Variants in SLC4A5 observed in about 807,000 individuals in gnomAD.
The protein encoded by SLC4A5 is electrogenic sodium bicarbonate cotransporter 4.
Under a neutral mutation model 120.4 loss-of-function variants are expected in SLC4A5, and 96 were observed. That is an observed-to-expected ratio of 0.80 (90% confidence interval 0.68 to 0.94). The LOEUF (loss-of-function observed/expected upper bound fraction) is 0.94, where lower values mean the gene tolerates loss of function less well. Among genes scored for constraint, SLC4A5 ranks in the 40% least tolerant of loss-of-function variants. The pLI, the probability that SLC4A5 is intolerant of heterozygous loss-of-function variation, is 0.00. For synonymous variants in SLC4A5, 550 were observed against 571.1 expected (o/e 0.96, Z 0.53); for missense variants, 1,259 against 1,459.5 (o/e 0.86, Z 2.24).
intron 7 of SLC4A5, chr2:74,290,639 G>A: frequency 6.1e-6 from 6 of 982,150 alleles, no homozygotes; most frequent in Non-Finnish European, 7.3e-6. Context: ...GAGAGAGAGA[G>A]AGAGAGAGAG....
intron 20 of SLC4A5, 116 bp downstream of exon 20, chr2:74,241,878 G>A: frequency 1.2e-6 from 1 of 826,010 alleles, no homozygotes; most frequent in South Asian, 1.4e-5. Flanking sequence ...ACGTGCAGCT[G>A]GAGTTGACCT....
chr2:74,277,231 T>TG (rs1386864512), intron 8 of SLC4A5, among the ~76,000 whole-genome samples: 3 of 151,966 alleles, frequency 2.0e-5, no homozygotes, highest in South Asian at 2.1e-4. Context: ...AGATGCTGGG[T>TG]GGGGGGCTCT....
chr2:74,291,637 T>C (rs1300180395), intron 7 of SLC4A5, among the ~76,000 whole-genome samples: 2 of 152,222 alleles, frequency 1.3e-5, no homozygotes, highest in Non-Finnish European at 2.9e-5. Context: ...ACGCCCATTT[T>C]ATTATTTTAT....
chr2:74,269,523 G>A (rs1356079303), intron 8 of SLC4A5, among the ~76,000 whole-genome samples: 1 of 152,074 alleles, frequency 6.6e-6, no homozygotes, highest in East Asian at 1.9e-4. Flanking sequence ...GTGAGCCACC[G>A]CGCCCGGCCA....
chr2:74,248,799 T>G (rs1322336603), intron 17 of SLC4A5, among the ~76,000 whole-genome samples: 2 of 152,366 alleles, frequency 1.3e-5, no homozygotes, highest in Middle Eastern at 3.4e-3. Flanking sequence ...CATTTATCCA[T>G]CTGATTATTC....
At chr2:74,330,896 G>A (rs1457761277) in intron 4 of SLC4A5, among the ~76,000 whole-genome samples, 3,195 of 44,764 alleles carry the variant, frequency 0.071, no homozygotes, top group Non-Finnish European at 0.084. Context: ...GATGTGGGTG[G>A]TGAGGTCTAG....
At chr2:74,259,447 G>A in intron 12 of SLC4A5, 141 bp downstream of exon 12, 2 of 955,512 alleles carry the variant, frequency 2.1e-6, no homozygotes, top group African/African-American at 1.6e-5. Flanking sequence ...AGGCAGCCCA[G>A]AGTCCCCACT....
chr2:74,342,558 C>A (rs1054160078), intron 1 of SLC4A5, 24 bp from the exon 2 acceptor site: 4 of 152,168 alleles, frequency 2.6e-5, no homozygotes, highest in African/African-American at 9.7e-5. Flanking sequence ...GGGTAAAACA[C>A]CATTTCTCAG....
intron 4 of SLC4A5, among the ~76,000 whole-genome samples, chr2:74,333,769 C>T (rs544739814): frequency 2.7e-4 from 41 of 152,318 alleles, no homozygotes; most frequent in African/African-American, 8.2e-4. Flanking sequence ...CTCACTGGGA[C>T]GGATTCCCTT....
At chr2:74,287,935 C>G (rs1212749517) in intron 7 of SLC4A5, among the ~76,000 whole-genome samples, 2 of 152,066 alleles carry the variant, frequency 1.3e-5, no homozygotes, top group African/African-American at 2.4e-5. Flanking sequence ...TTTACCCATA[C>G]TTCCTAAAGT....
At chr2:74,281,405 T>G (rs1671810044) in intron 8 of SLC4A5, among the ~76,000 whole-genome samples, 1 of 152,318 alleles carries the variant, frequency 6.6e-6, no homozygotes, top group South Asian at 2.1e-4. Flanking sequence ...GAGGTGGGCA[T>G]GAGAGAGGAT....
At chr2:74,320,901 A>G (rs1331558090) in intron 5 of SLC4A5, among the ~76,000 whole-genome samples, 1 of 152,228 alleles carries the variant, frequency 6.6e-6, no homozygotes, top group South Asian at 2.1e-4. Context: ...ATAGTCATAG[A>G]AAGGAAAAGT....
intron 8 of SLC4A5, among the ~76,000 whole-genome samples, chr2:74,276,354 A>T (rs1277125795): frequency 6.6e-6 from 1 of 152,174 alleles, no homozygotes; most frequent in East Asian, 1.9e-4. Context: ...CTAACACAAC[A>T]TCCCCTCAAC....
rs146504041 is a variant in SLC4A5 at position 74,288,090 on chromosome 2, C to T, written c.272-2188G>A. ...GTTCAAAGGTGTGTTTAATTCAGGC[C>T]TCGCAGAGTATGAAATTTTTTGAAA... is the stretch of plus-strand genomic sequence containing the variant. On this transcript the variant is annotated intron_variant, in intron 7 of 30. Coordinates refer to ENST00000394019, the Ensembl canonical transcript of SLC4A5. Among the ~76,000 whole-genome samples, 208 of 152,234 alleles carry T rather than the reference C, an allele frequency of 1.4e-3. 2 individuals carry two copies. Among genetic ancestry groups the T allele is most frequent in the African/African-American group, 4.8e-3 (200 of 41,528 alleles).
chr2:74,239,406 G>A lies in SLC4A5; in HGVS notation c.2248C>T (p.Leu750Phe), dbSNP rs772249074. ...GTCATGGAGTATGTCCCAAAGAAAA[G>A]GATGAAGGACATGAGCGCCAGGTCT... is the stretch of plus-strand genomic sequence containing the variant. The change falls in exon 21 of 31, where the codon CTT becomes TTT. Residue 750 changes from leucine (L) to phenylalanine (F), a missense_variant. Transcript: ENST00000394019. 1.9e-6 allele frequency: 3 copies of A among 1,614,208 alleles called. No individual in the cohort carries two copies. The South Asian group carries it at 3.3e-5, about 18-fold the overall frequency.
chr2:74,222,519 C>G (rs752729949), intron 29 of SLC4A5, among the ~76,000 whole-genome samples: 1 of 152,116 alleles, frequency 6.6e-6, no homozygotes, highest in Non-Finnish European at 1.5e-5. Context: ...TGAGCATGGG[C>G]GAGCAAGCAT....
intron 2 of SLC4A5, among the ~76,000 whole-genome samples, chr2:74,341,760 G>A (rs2104362586): frequency 6.6e-6 from 1 of 152,322 alleles, no homozygotes; most frequent in South Asian, 2.1e-4. Flanking sequence ...GGATTGCCCA[G>A]ACTTAGAGTA....
chr2:74,288,308 G>A (rs770813327), intron 7 of SLC4A5, among the ~76,000 whole-genome samples: 1 of 152,028 alleles, frequency 6.6e-6, no homozygotes, highest in Non-Finnish European at 1.5e-5. Flanking sequence ...TCTTACTGGT[G>A]TCCCGTTAAT....
chr2:74,284,471 C>T lies in SLC4A5; in HGVS notation c.401+1302G>A, dbSNP rs542631354. Among the ~76,000 whole-genome samples, 48 of 149,062 alleles carry T rather than the reference C, an allele frequency of 3.2e-4. 10 individuals carry two copies. In the South Asian group the frequency reaches 4.0e-3, roughly 13 times the overall value. On this transcript the variant is annotated intron_variant, in intron 8 of 30. Transcript: ENST00000394019. The stretch of plus-strand genomic sequence containing the variant: ...CTGGGATTACAGGCGTGAGCCACCG[C>T]GCCCGGCCTATTCCTTATTTCTAAT...
Sources: gnomAD v4.1 joint callset for allele counts (sites outside exome capture counted in the v4.1 genomes callset) on GRCh38, gnomAD v4.1.1 for gene constraint, MANE v1.5 for transcripts, NCBI Gene and HGNC (gene_info 2026-07-23, HGNC 2026-07-21) for gene names.